Variants in IQGAP2 observed in about 807,000 individuals in gnomAD.
IQGAP2 encodes IQ motif containing GTPase activating protein 2.
In IQGAP2, 173 loss-of-function variants were observed where a neutral mutation model predicts 201.3. That is an observed-to-expected ratio of 0.86 (90% CI 0.76 to 0.98). The LOEUF (loss-of-function observed/expected upper bound fraction) is 0.98. Ranked by LOEUF, IQGAP2 falls within the 50% of genes least tolerant of loss-of-function variation. The pLI is 0.00. For missense variants in IQGAP2, 1,687 were observed against 1,864.8 expected, an observed-to-expected ratio of 0.90 and a Z score of 1.76; for synonymous variants, 675 against 673.9, an observed-to-expected ratio of 1.00 and a Z score of -0.03.
At chr5:76,441,835 G>A (rs1208148249) in intron 1 of IQGAP2, among the ~76,000 whole-genome samples, 1 of 152,218 alleles carries the variant, frequency 6.6e-6, no homozygotes, top group Middle Eastern at 3.2e-3. Flanking sequence ...TTCAAAGCCT[G>A]AGTGTTGAGT....
chr5:76,550,853 A>C, intron 2 of IQGAP2, among the ~76,000 whole-genome samples: 1 of 152,150 alleles, frequency 6.6e-6, no homozygotes, highest in Non-Finnish European at 1.5e-5. Context: ...GCCCGTTCTC[A>C]ATGAGCTGTT....
chr5:76,571,225 G>C (rs950897361), intron 4 of IQGAP2, among the ~76,000 whole-genome samples: 2 of 151,988 alleles, frequency 1.3e-5, no homozygotes, highest in African/African-American at 4.8e-5. Flanking sequence ...CTGTCGCCCA[G>C]TCTGGAGTAC....
At position 76,610,050 on chromosome 5, in the gene IQGAP2, T is replaced by TTCTCTCTCTCTCTCTCTCTCTC. The variant is rs71604297; in HGVS notation, c.1358-964_1358-943dup. On this transcript the variant is annotated intron_variant, in intron 12 of 35. Transcript: ENST00000274364. ...CCCTATAGTCAGTCTTGTTCTCTCTTTCTCTCTCTCTCTCTCTCTCTCTCT... is the reference window on the plus strand; with the variant it reads ...CCCTATAGTCAGTCTTGTTCTCTCTTTCTCTCTCTCTCTCTCTCTCTCTCTCTCTCTCTCTCTCTCTCTCTCT... Among the ~76,000 whole-genome samples the TTCTCTCTCTCTCTCTCTCTCTC allele has an allele frequency of 1.9e-3, 37 of 19,052 alleles. 6 individuals carry two copies. The highest frequency in any genetic ancestry group is 6.6e-3 in the Admixed American group (6 of 906). The allele number at this position is 19,052 out of a possible 152,430, so 12.5% of individuals were successfully genotyped here. A position where few individuals can be genotyped will look rare whatever the true frequency, so the allele number is the denominator to read the frequency against.
chr5:76,701,135 C>A lies in IQGAP2; in HGVS notation c.4427C>A (p.Ala1476Glu), dbSNP rs142120814. The change falls in exon 34 of 36, where the codon GCG (alanine) becomes GAG (glutamate). Residue 1476 changes from alanine to glutamate, a missense_variant. Ala to Glu is a moderately radical substitution (Grantham distance 107, BLOSUM62 -1). Coordinates refer to ENST00000274364, the MANE Select transcript of IQGAP2 (RefSeq NM_006633.5). ...GGAGAACCCAAAGGGGCGAAGAGAGCGAAGCCAGTGAAGTACACTGCAGCA... is the reference window on the plus strand; with the variant it reads ...GGAGAACCCAAAGGGGCGAAGAGAGAGAAGCCAGTGAAGTACACTGCAGCA... The part of the protein sequence containing the change: ...GKGEPKGAKR[A>E]KPVKYTAAKL... 8.1e-6 allele frequency: 13 copies of A among 1,613,952 alleles called. No individual in the cohort carries two copies. The highest frequency in any genetic ancestry group is 1.1e-5 in the Non-Finnish European group (13 of 1,179,792).
intron 13 of IQGAP2, chr5:76,617,629 G>A: frequency 6.2e-7 from 1 of 1,613,416 alleles, no homozygotes; most frequent in Non-Finnish European, 8.5e-7. Context: ...TTTGACATGA[G>A]AAAATAAAGG....
At chr5:76,660,574 T>C (rs1743160950) in intron 21 of IQGAP2, among the ~76,000 whole-genome samples, 1 of 152,236 alleles carries the variant, frequency 6.6e-6, no homozygotes, top group Non-Finnish European at 1.5e-5. Context: ...GTTTAAATAA[T>C]ATGTATCTTT....
intron 28 of IQGAP2, among the ~76,000 whole-genome samples, chr5:76,682,107 C>T (rs1745359123): frequency 1.3e-5 from 2 of 152,084 alleles, no homozygotes; most frequent in Non-Finnish European, 2.9e-5. Context: ...TCTTTTAGGG[C>T]AGTGAAACTG....
intron 1 of IQGAP2, among the ~76,000 whole-genome samples, chr5:76,443,341 T>C (rs1561375381): frequency 6.6e-6 from 1 of 152,150 alleles, no homozygotes; most frequent in Non-Finnish European, 1.5e-5. Context: ...ATTTTATGTA[T>C]GTGAGAGGAT....
chr5:76,674,613 T>G lies in IQGAP2; in HGVS notation c.3431T>G (p.Val1144Gly). 6.2e-7 allele frequency: 1 copy of G among 1,614,080 alleles called. No homozygotes were observed. Among genetic ancestry groups the G allele is most frequent in the Non-Finnish European group, 8.5e-7 (1 of 1,179,988 alleles). ...QRRNLGSVAK[V>G]LQHAASNKLF... ...AGAAACTTAGGATCAGTGGCCAAGG[T>G]TCTTCAGCACGCAGCCTCCAACAAG... Residue 1144 changes from valine (V) to glycine (G), a missense_variant, in exon 27 of 36, where the codon GTT becomes GGT. Physicochemically the swap from Val to Gly is moderately radical, Grantham distance 109. Coordinates refer to ENST00000274364, the MANE Select transcript of IQGAP2 (RefSeq NM_006633.5).
chr5:76,627,772 C>A (rs1323500956), intron 14 of IQGAP2, among the ~76,000 whole-genome samples: 1 of 152,022 alleles, frequency 6.6e-6, no homozygotes. Flanking sequence ...TTCTTTTTTT[C>A]TCTTGATTTT....
rs544126454 is a variant in IQGAP2 at position 76,537,231 on chromosome 5, A to G, written c.147-25165A>G. On this transcript the variant is annotated intron_variant, in intron 2 of 35. Transcript: ENST00000274364. ...TGACTTTGAGATAATTTTGGTTAAGATAAGTCTCCTGGTTTATGCTTTTAA... is the reference window on the plus strand; with the variant it reads ...TGACTTTGAGATAATTTTGGTTAAGGTAAGTCTCCTGGTTTATGCTTTTAA... 2.0e-5 allele frequency among the ~76,000 whole-genome samples: 3 copies of G among 152,364 alleles called. 1 individual carries two copies. Among genetic ancestry groups the G allele is most frequent in the African/African-American group, 4.8e-5 (2 of 41,588 alleles).
intron 5 of IQGAP2, among the ~76,000 whole-genome samples, chr5:76,587,175 A>G (rs1002144308): frequency 1.3e-5 from 2 of 152,198 alleles, no homozygotes; most frequent in African/African-American, 4.8e-5. Flanking sequence ...CAAAGGTCAA[A>G]TTCTCATATA....
intron 14 of IQGAP2, among the ~76,000 whole-genome samples, chr5:76,629,526 G>A (rs1159144842): frequency 6.6e-6 from 1 of 152,142 alleles, no homozygotes; most frequent in Non-Finnish European, 1.5e-5. Flanking sequence ...ATTCCTTAGA[G>A]CAGTCTTTCT....
Position 76,607,145 on chromosome 5 carries a change from TTTA to T in IQGAP2, c.1357+847_1357+849del, listed in dbSNP as rs1333243357. 3 of 152,360 alleles carry T rather than the reference TTTA, an allele frequency of 2.0e-5. No individual in the cohort carries two copies. The East Asian group carries it at 5.8e-4, about 29-fold the overall frequency. The allele number at this position is 152,360 out of a possible 1,614,324, so 9.4% of individuals were successfully genotyped here. A position where few individuals can be genotyped will look rare whatever the true frequency, so the allele number is the denominator to read the frequency against. On this transcript the variant is annotated intron_variant, in intron 12 of 35. Coordinates refer to ENST00000274364, the MANE Select transcript of IQGAP2 (RefSeq NM_006633.5). ...GAGTGGGCAGATACTTCTCTCACAG[TTTA>T]TTATGTTTTATTTTAGTGTGTTTGG...
Position 76,673,552 on chromosome 5 carries a change from G to A in IQGAP2, c.3172G>A (p.Val1058Ile). Residue 1058 changes from valine (V) to isoleucine (I), a missense_variant, in exon 25 of 36, where the codon GTC becomes ATC. Physicochemically the swap from Val to Ile is conservative, Grantham distance 29. Coordinates refer to ENST00000274364, the MANE Select transcript of IQGAP2 (RefSeq NM_006633.5). ...GAACCTGAGAAGGGTCACCGACAAA[G>A]TCCTGAATTCTATCATTTCTTCCCT... The part of the protein sequence containing the change: ...IENLRRVTDK[V>I]LNSIISSLDL... 1.2e-6 allele frequency: 2 copies of A among 1,614,066 alleles called. No individual in the cohort carries two copies. Among genetic ancestry groups the A allele is most frequent in the Non-Finnish European group, 1.7e-6 (2 of 1,179,948 alleles).
At chr5:76,532,297 A>G (rs1430486848) in intron 2 of IQGAP2, among the ~76,000 whole-genome samples, 1 of 152,196 alleles carries the variant, frequency 6.6e-6, no homozygotes, top group Non-Finnish European at 1.5e-5. Context: ...GCTTGAGGCT[A>G]GGAGTTTGAG....
At chr5:76,676,366 G>A (rs1284882643) in intron 27 of IQGAP2, among the ~76,000 whole-genome samples, 1 of 152,152 alleles carries the variant, frequency 6.6e-6, no homozygotes, top group Non-Finnish European at 1.5e-5. Flanking sequence ...CCCACAACAG[G>A]GCTCTGCTGT....
rs180737839 is a variant in IQGAP2, at chr5:76,667,591, A to G, written c.2680-1090A>G. 3.9e-3 allele frequency among the ~76,000 whole-genome samples: 593 copies of G among 152,248 alleles called. 1 individual carries two copies. Among genetic ancestry groups the G allele is most frequent in the African/African-American group, 0.014 (575 of 41,526 alleles). On this transcript the variant is annotated intron_variant, in intron 22 of 35. Transcript: ENST00000274364. ...TTCTGTATCCAATGGGTCCATCCTCATCAGAGCCCACAGGGTTCCACGTCC... is the reference window on the plus strand; with the variant it reads ...TTCTGTATCCAATGGGTCCATCCTCGTCAGAGCCCACAGGGTTCCACGTCC...
chr5:76,596,954 A>G (rs2150317264), intron 9 of IQGAP2: 1 of 157,512 alleles, frequency 6.3e-6, no homozygotes, highest in African/African-American at 2.4e-5. Context: ...AAGATATAAC[A>G]GTAGGGCAAG....
Sources: gnomAD v4.1 joint callset for allele counts (sites outside exome capture counted in the v4.1 genomes callset) on GRCh38, gnomAD v4.1.1 for gene constraint, MANE v1.5 for transcripts, NCBI Gene and HGNC (gene_info 2026-07-23, HGNC 2026-07-21) for gene names.